ESRRB: variants seen among roughly 807,000 people sequenced by gnomAD.
ESRRB encodes steroid hormone receptor ERR2.
Under a neutral mutation model 46.0 loss-of-function variants are expected in ESRRB, and 16 were observed. The ratio of observed to expected loss-of-function variants is 0.35; its 90% CI spans 0.24 to 0.53. The LOEUF is 0.53. Ranked by LOEUF, ESRRB falls within the 20% of genes least tolerant of loss-of-function variation. The pLI is 0.93. For missense variants in ESRRB, 488 were observed against 607.4 expected, an observed-to-expected ratio of 0.80 and a Z score of 2.07; for synonymous variants, 246 against 259.6, an observed-to-expected ratio of 0.95 and a Z score of 0.50.
At chr14:76,414,497 C>T (rs973873506) in intron 1 of ESRRB, among the ~76,000 whole-genome samples, 2 of 151,280 alleles carry the variant, frequency 1.3e-5, no homozygotes, top group Non-Finnish European at 2.9e-5. Context: ...GTGGTTCCTC[C>T]CCAGCTCAGT....
chr14:76,355,625 C>T (rs1316044908), intron 1 of ESRRB, among the ~76,000 whole-genome samples: 3 of 152,142 alleles, frequency 2.0e-5, no homozygotes, highest in Non-Finnish European at 4.4e-5. Context: ...CCTCACTGGA[C>T]AGTACAATGC....
At chr14:76,357,845 T>C (rs1284860995) in intron 1 of ESRRB, among the ~76,000 whole-genome samples, 2 of 152,192 alleles carry the variant, frequency 1.3e-5, no homozygotes, top group East Asian at 3.8e-4. Context: ...TTATGAAAAT[T>C]ATGTAACAAC....
intron 3 of ESRRB, among the ~76,000 whole-genome samples, chr14:76,469,757 G>A (rs1014448594): frequency 6.6e-6 from 1 of 151,930 alleles, no homozygotes; most frequent in Non-Finnish European, 1.5e-5. Context: ...TGATCCCACT[G>A]TCTTTCTCAA....
chr14:76,408,597 A>C (rs75599062), intron 1 of ESRRB, among the ~76,000 whole-genome samples: 1 of 129,760 alleles, frequency 7.7e-6, no homozygotes. Flanking sequence ...GTCTCAAAAA[A>C]AAAAAAAAAA....
chr14:76,435,787 C>T (rs1000108365), intron 1 of ESRRB, among the ~76,000 whole-genome samples: 1 of 152,284 alleles, frequency 6.6e-6, no homozygotes, highest in Non-Finnish European at 1.5e-5. Context: ...GCCGAGATCA[C>T]GCCATTGCAT....
At position 76,484,245 on chromosome 14, in the gene ESRRB, C is replaced by T. The variant is rs2140035289; in HGVS notation, c.850+1486C>T. Among the ~76,000 whole-genome samples the T allele has an allele frequency of 1.3e-5, 2 of 152,332 alleles. 1 individual carries two copies. The highest frequency in any genetic ancestry group is 4.1e-4 in the South Asian group (2 of 4,824). ...TTGCAGGAAGGAGCCTTCCTGTGGA[C>T]AGGGACGCACAGAGACATCAGATGG... is the stretch of plus-strand genomic sequence containing the variant. On this transcript the variant is annotated intron_variant, in intron 5 of 6. Coordinates refer to ENST00000644823, the MANE Select transcript of ESRRB (RefSeq NM_001379180.1).
At chr14:76,415,786 C>A (rs1886672180) in intron 1 of ESRRB, among the ~76,000 whole-genome samples, 1 of 152,186 alleles carries the variant, frequency 6.6e-6, no homozygotes, top group Admixed American at 6.6e-5. Flanking sequence ...GGATTACAGG[C>A]ATGAGCCACT....
At chr14:76,435,691 C>T (rs1323194229) in intron 1 of ESRRB, among the ~76,000 whole-genome samples, 9 of 152,124 alleles carry the variant, frequency 5.9e-5, no homozygotes. Flanking sequence ...ATTAGTCAGT[C>T]GTGGTGGCGG....
intron 1 of ESRRB, among the ~76,000 whole-genome samples, chr14:76,399,463 GCCGCTCATTCCT>G (rs1333533654): frequency 1.1e-4 from 17 of 152,056 alleles, no homozygotes; most frequent in Non-Finnish European, 1.5e-5. Context: ...CAATGTCCCC[GCCGCTCATTCCT>G]CCTCGTTATG....
chr14:76,443,849 T>A (rs981781004), intron 2 of ESRRB, among the ~76,000 whole-genome samples: 2 of 152,232 alleles, frequency 1.3e-5, no homozygotes, highest in African/African-American at 2.4e-5. Flanking sequence ...AATAGGATAA[T>A]GATCTCTTCG....
chr14:76,399,876 C>T (rs540841338), intron 1 of ESRRB, among the ~76,000 whole-genome samples: 1 of 152,200 alleles, frequency 6.6e-6, no homozygotes, highest in South Asian at 2.1e-4. Flanking sequence ...CAGATGCTGC[C>T]GTTTCAAGGA....
rs1430226807 is a variant in ESRRB, at chr14:76,447,845, C to T, written c.460+8095C>T. Among the ~76,000 whole-genome samples the T allele has an allele frequency of 2.6e-5, 4 of 152,250 alleles. No homozygotes were observed. The South Asian group carries it at 6.2e-4, about 24-fold the overall frequency. Reference sequence around the variant, plus strand: ...AGCTCAGGCCACCGCTGACTCCCACCGCTTCCTACCTGTTCTCCCTGCTGC... The same window carrying T: ...AGCTCAGGCCACCGCTGACTCCCACTGCTTCCTACCTGTTCTCCCTGCTGC... On this transcript the variant is annotated intron_variant, in intron 2 of 6. Transcript: ENST00000644823.
chr14:76,457,431 A>C (rs1266747555), intron 2 of ESRRB, among the ~76,000 whole-genome samples: 1 of 150,902 alleles, frequency 6.6e-6, no homozygotes, highest in East Asian at 1.9e-4. Flanking sequence ...ACAAATTCAT[A>C]AACTTTCTTG....
At chr14:76,488,458 C>A (rs184376048) in intron 5 of ESRRB, among the ~76,000 whole-genome samples, 11 of 152,260 alleles carry the variant, frequency 7.2e-5, no homozygotes, top group Admixed American at 6.5e-4. Flanking sequence ...GGCCTGACTC[C>A]TACAAGATAG....
At chr14:76,486,256 T>TCATG (rs1363659886) in intron 5 of ESRRB, among the ~76,000 whole-genome samples, 3 of 152,154 alleles carry the variant, frequency 2.0e-5, no homozygotes, top group Non-Finnish European at 4.4e-5. Flanking sequence ...CTCGGCAGCC[T>TCATG]CATGCCTGTG....
At chr14:76,426,947 T>C (rs1406030174) in intron 1 of ESRRB, among the ~76,000 whole-genome samples, 1 of 152,122 alleles carries the variant, frequency 6.6e-6, no homozygotes, top group Non-Finnish European at 1.5e-5. Context: ...CTCTTTTGTT[T>C]AAGTGCGAGA....
At chr14:76,381,078 A>G (rs1464987234) in intron 1 of ESRRB, among the ~76,000 whole-genome samples, 1 of 152,246 alleles carries the variant, frequency 6.6e-6, no homozygotes, top group East Asian at 1.9e-4. Flanking sequence ...AGTCACAGAC[A>G]TGGTCTTCCC....
intron 2 of ESRRB, among the ~76,000 whole-genome samples, chr14:76,458,889 G>A (rs1023350037): frequency 7.6e-5 from 11 of 144,736 alleles, no homozygotes; most frequent in Non-Finnish European, 1.3e-4. Context: ...CTGTCACCCA[G>A]GCTGGAGTGC....
chr14:76,495,543 CTTTTTTTT>C (rs35281292), intron 6 of ESRRB: 1 of 131,714 alleles, frequency 7.6e-6, no homozygotes, highest in African/African-American at 2.9e-5. Context: ...GCTGGCTAGT[CTTTTTTTT>C]TTTTTTTTTT....
Sources: gnomAD v4.1 joint callset for allele counts (sites outside exome capture counted in the v4.1 genomes callset) on GRCh38, gnomAD v4.1.1 for gene constraint, MANE v1.5 for transcripts, NCBI Gene and HGNC (gene_info 2026-07-23, HGNC 2026-07-21) for gene names.